Variants in PUDP observed in about 807,000 individuals in gnomAD.
PUDP encodes the protein pseudouridine 5'-phosphatase, also known as pseudouridine-5'-phosphatase.
A neutral mutation model predicts 9.4 loss-of-function variants in PUDP; 8 were observed. The observed-to-expected ratio is 0.85, with a 90% confidence interval of 0.50 to 1.53. The LOEUF (loss-of-function observed/expected upper bound fraction) is 1.53, where lower values mean the gene tolerates loss of function less well. Among genes scored for constraint, PUDP ranks in the 40% most tolerant of loss-of-function variants. PUDP has a pLI of 0.00. For synonymous variants in PUDP, 99 were observed against 80.7 expected, an observed-to-expected ratio of 1.23 and a Z score of -1.22; for missense variants, 188 against 189.7, an observed-to-expected ratio of 0.99 and a Z score of 0.05.
intron 3 of PUDP, among the ~76,000 whole-genome samples, chrX:6,753,016 G>A (rs1314231229): frequency 1.8e-5 from 2 of 110,397 alleles, no homozygotes; most frequent in Non-Finnish European, 3.8e-5. Flanking sequence ...TTTTTTAAGT[G>A]CCTAGACATT....
rs149369019 is a variant in PUDP, at chrX:6,976,058, T to C, written c.*247+1075A>G. Among the ~76,000 whole-genome samples the C allele has an allele frequency of 2.6e-3, 286 of 112,027 alleles. 2 individuals carry two copies. Among genetic ancestry groups the C allele is most frequent in the African/African-American group, 8.5e-3 (264 of 30,922 alleles). Reference sequence around the variant, plus strand: ...GGTGGATGCCCCTCTCCCAACCAAGTTTGAGTGTCCTAGGTTGACCTCAGA... The same window carrying C: ...GGTGGATGCCCCTCTCCCAACCAAGCTTGAGTGTCCTAGGTTGACCTCAGA... On this transcript the variant is annotated intron_variant and NMD_transcript_variant, in intron 3 of 3. Transcript: ENST00000655425.
intron 1 of PUDP, among the ~76,000 whole-genome samples, chrX:7,029,036 A>G (rs1288304570): frequency 8.9e-6 from 1 of 111,940 alleles, no homozygotes; most frequent in African/African-American, 3.2e-5. Flanking sequence ...CCTTAATCCA[A>G]TCTTGTCCAT....
chrX:6,991,771 G>A (rs1929182411), intron 1 of PUDP, among the ~76,000 whole-genome samples: 1 of 106,409 alleles, frequency 9.4e-6, no homozygotes, highest in South Asian at 4.1e-4. Context: ...ATAACTTAAA[G>A]AGAATCATTT....
Position 6,790,541 on chromosome X carries a change from G to A in PUDP, c.*248-84075C>T, listed in dbSNP as rs755548101. 7.1e-5 allele frequency among the ~76,000 whole-genome samples: 8 copies of A among 112,655 alleles called. No individual in the cohort carries two copies. In the South Asian group the frequency reaches 2.9e-3, roughly 41 times the overall value. On this transcript the variant is annotated intron_variant and NMD_transcript_variant, in intron 3 of 3. Transcript: ENST00000655425. ...TAGTAAATAAAAATTCAGAGCACCT[G>A]AGTAATTTGGATTTTAGACAGGTAA...
At chrX:7,124,234 T>C (rs1211005263) in intron 1 of PUDP, among the ~76,000 whole-genome samples, 1 of 111,834 alleles carries the variant, frequency 8.9e-6, no homozygotes, top group East Asian at 2.8e-4. Flanking sequence ...TGAAGAAAAC[T>C]TGGGAAATTC....
downstream of PUDP, among the ~76,000 whole-genome samples, chrX:7,047,217 A>G (rs781028613): frequency 8.9e-6 from 1 of 112,283 alleles, no homozygotes; most frequent in African/African-American, 3.2e-5. Context: ...TGTGTTTTCC[A>G]TGGTGCTGGA....
intron 1 of PUDP, among the ~76,000 whole-genome samples, chrX:7,137,576 C>G (rs1054253051): frequency 1.8e-5 from 2 of 111,732 alleles, no homozygotes; most frequent in Non-Finnish European, 3.8e-5. Flanking sequence ...AACAAAAAAC[C>G]TCTGTGCTTT....
chrX:7,142,641 A>ATTTTT (rs57612819), intron 1 of PUDP, among the ~76,000 whole-genome samples: 1 of 80,952 alleles, frequency 1.2e-5, no homozygotes, highest in African/African-American at 4.9e-5. Context: ...GAGGACTCCA[A>ATTTTT]TTTTTTTTTT....
At chrX:6,887,920 C>A (rs893654054) in intron 3 of PUDP, among the ~76,000 whole-genome samples, 25 of 110,774 alleles carry the variant, frequency 2.3e-4, no homozygotes, top group African/African-American at 8.2e-4. Flanking sequence ...TTCTGAAAAG[C>A]CAAAAAGATG....
intron 3 of PUDP, among the ~76,000 whole-genome samples, chrX:6,935,215 T>C (rs1214820068): frequency 3.8e-5 from 4 of 105,070 alleles, no homozygotes; most frequent in African/African-American, 1.0e-4. Context: ...TATTCCAAAA[T>C]TGACCACATA....
intron 1 of PUDP, among the ~76,000 whole-genome samples, chrX:7,017,559 C>T (rs991604131): frequency 6.2e-5 from 7 of 112,486 alleles, no homozygotes; most frequent in Admixed American, 1.9e-4. Context: ...GAATAGATTT[C>T]ATTTTACCTG....
Position 6,732,678 on chromosome X carries a change from G to A in PUDP, c.*248-26212C>T, listed in dbSNP as rs1385617005. ...AGGTAAAAGTAAGGGAGGAAGGAAG[G>A]AAAAGAAAAGGAGAGGAGAGAAATC... On this transcript the variant is annotated intron_variant and NMD_transcript_variant, in intron 3 of 3. Coordinates refer to the PUDP transcript ENST00000655425. 4.6e-5 allele frequency among the ~76,000 whole-genome samples: 5 copies of A among 108,186 alleles called. No homozygotes were observed. In the Admixed American group the frequency reaches 5.0e-4, roughly 11 times the overall value. 93.9% of individuals were successfully genotyped at this position (108,186 alleles called of 115,157 possible).
chrX:6,984,354 G>A (rs942813795), intron 1 of PUDP, among the ~76,000 whole-genome samples: 1 of 111,944 alleles, frequency 8.9e-6, no homozygotes, highest in African/African-American at 3.2e-5. Flanking sequence ...CCAAACCTGT[G>A]AATATACTAA....
chrX:6,902,809 G>A (rs982184311), intron 3 of PUDP, among the ~76,000 whole-genome samples: 9 of 111,850 alleles, frequency 8.0e-5, no homozygotes, highest in Admixed American at 2.8e-4. Flanking sequence ...GAACTTCTAA[G>A]TTAACACATA....
intron 2 of PUDP, among the ~76,000 whole-genome samples, chrX:7,081,999 C>T (rs1931106960): frequency 8.9e-6 from 1 of 112,519 alleles, no homozygotes; most frequent in Non-Finnish European, 1.9e-5. Flanking sequence ...CAGTGGCTTT[C>T]CCTGAGAAGT....
In PUDP at chrX:7,050,170, T is replaced by C; in HGVS notation, c.*126A>G. ...GGACAAACCAACATGGGATGGAAACTCCAATCTCAGGAGGCTAAAATCACA... is the reference window on the plus strand; with the variant it reads ...GGACAAACCAACATGGGATGGAAACCCCAATCTCAGGAGGCTAAAATCACA... On this transcript the variant is annotated 3_prime_UTR_variant, in exon 4 of 4. Transcript: ENST00000381077. 1 of 645,137 alleles carries C rather than the reference T, an allele frequency of 1.6e-6. No homozygotes were observed. The highest frequency in any genetic ancestry group is 3.8e-5 in the South Asian group (1 of 26,330). 53.2% of individuals were successfully genotyped at this position (645,137 alleles called of 1,213,427 possible).
At chrX:6,817,183 C>T (rs2146705006) in intron 3 of PUDP, among the ~76,000 whole-genome samples, 1 of 108,758 alleles carries the variant, frequency 9.2e-6, no homozygotes, top group Admixed American at 1.0e-4. Flanking sequence ...CTCAAGCCAT[C>T]CTCTTGCCTC....
At chrX:7,094,792 G>A (rs748890348) in intron 2 of PUDP, among the ~76,000 whole-genome samples, 6 of 112,041 alleles carry the variant, frequency 5.4e-5, no homozygotes, top group Admixed American at 4.7e-4. Context: ...TTTGTTAAAC[G>A]GAAAAGGAAC....
chrX:7,011,524 G>C (rs1929477515), intron 1 of PUDP, among the ~76,000 whole-genome samples: 1 of 108,698 alleles, frequency 9.2e-6, no homozygotes, highest in African/African-American at 3.4e-5. Context: ...CCTCATGAAA[G>C]CATAGCTCCT....
Sources: gnomAD v4.1 joint callset for allele counts (sites outside exome capture counted in the v4.1 genomes callset) on GRCh38, gnomAD v4.1.1 for gene constraint, MANE v1.5 for transcripts, NCBI Gene and HGNC (gene_info 2026-07-23, HGNC 2026-07-21) for gene names.